Variants in PPFIA1 observed in about 807,000 individuals in gnomAD.
PPFIA1 encodes liprin-alpha-1.
In PPFIA1, 25 loss-of-function variants were observed where a neutral mutation model predicts 149.9. The observed-to-expected ratio is 0.17, with a 90% CI of 0.12 to 0.23. The LOEUF (loss-of-function observed/expected upper bound fraction) is 0.23. Ranked by LOEUF, PPFIA1 falls within the 10% of genes least tolerant of loss-of-function variation. The probability of loss-of-function intolerance (pLI) is 1.00; values close to 1 mark genes in which losing one functional copy is unlikely to be tolerated. For missense variants in PPFIA1, 1,362 were observed against 1,506.5 expected, an observed-to-expected ratio of 0.90 and a Z score of 1.59; for synonymous variants, 549 against 552.8, an observed-to-expected ratio of 0.99 and a Z score of 0.10.
intron 21 of PPFIA1, chr11:70,365,310 C>T: frequency 2.2e-6 from 1 of 450,334 alleles, no homozygotes; most frequent in South Asian, 1.6e-5. Context: ...TGCGTGTGCC[C>T]CTCTCCTCTT....
At chr11:70,381,188 T>A (rs531321856) in intron 26 of PPFIA1, 3 of 152,134 alleles carry the variant, frequency 2.0e-5, no homozygotes, top group Non-Finnish European at 2.9e-5. Flanking sequence ...AGAGGGTTTG[T>A]GAAGATCATC....
intron 15 of PPFIA1, among the ~76,000 whole-genome samples, chr11:70,346,291 A>T (rs2137182141): frequency 6.6e-6 from 1 of 152,094 alleles, no homozygotes; most frequent in South Asian, 2.1e-4. Context: ...GGAGTCCTGC[A>T]GCAGGTCTGG....
At chr11:70,332,132 C>G in intron 9 of PPFIA1, 38 bp downstream of exon 9, 1 of 1,549,832 alleles carries the variant, frequency 6.5e-7, no homozygotes, top group Non-Finnish European at 8.7e-7. Flanking sequence ...GGCTGCCAGG[C>G]CTGTGACTGT....
intron 16 of PPFIA1, among the ~76,000 whole-genome samples, chr11:70,349,676 G>C (rs2055932986): frequency 6.6e-6 from 1 of 152,164 alleles, no homozygotes; most frequent in African/African-American, 2.4e-5. Flanking sequence ...GTGGTAACTA[G>C]TCTATTTTGC....
At chr11:70,378,394 A>G in intron 26 of PPFIA1, 199 bp downstream of exon 26, 1 of 1,292,980 alleles carries the variant, frequency 7.7e-7, no homozygotes, top group Non-Finnish European at 9.8e-7. Context: ...AGAATTTTTA[A>G]AACACGCTTG....
rs113351388 is a variant in PPFIA1 at position 70,296,999 on chromosome 11, C to T, written c.264+24563C>T. Among the ~76,000 whole-genome samples, 1,297 of 152,232 alleles carry T rather than the reference C, an allele frequency of 8.5e-3. 19 individuals are homozygous for T. Among genetic ancestry groups the T allele is most frequent in the African/African-American group, 0.029 (1,219 of 41,546 alleles). ...GAGAGCCTGGTATTTAATAAGCATT[C>T]AATAAATGTTAGTCATTCTTCTGAT... On this transcript the variant is annotated intron_variant, in intron 2 of 27. Coordinates refer to ENST00000253925, the MANE Select transcript of PPFIA1 (RefSeq NM_003626.5).
intron 25 of PPFIA1, 150 bp from the exon 26 acceptor site, chr11:70,377,880 A>G (rs758725518): frequency 1.0e-5 from 7 of 673,820 alleles, no homozygotes; most frequent in African/African-American, 1.8e-5. Flanking sequence ...CAGGTTGGGC[A>G]ATATATTGTG....
intron 2 of PPFIA1, among the ~76,000 whole-genome samples, chr11:70,275,086 A>G (rs529931039): frequency 5.3e-5 from 8 of 152,276 alleles, no homozygotes; most frequent in South Asian, 4.1e-4. Flanking sequence ...AGTTGCTCCT[A>G]TGCTCTTCAG....
chr11:70,355,019 C>A (rs1486570634), intron 17 of PPFIA1, among the ~76,000 whole-genome samples: 1 of 152,066 alleles, frequency 6.6e-6, no homozygotes, highest in African/African-American at 2.4e-5. Context: ...TCACCACAAC[C>A]TTCACCTCCC....
chr11:70,329,248 G>C (rs377407690), intron 7 of PPFIA1, among the ~76,000 whole-genome samples: 1 of 152,112 alleles, frequency 6.6e-6, no homozygotes, highest in Admixed American at 6.6e-5. Flanking sequence ...AAAATATTTA[G>C]ATATTTGAGT....
intron 15 of PPFIA1, among the ~76,000 whole-genome samples, chr11:70,345,136 CCT>C (rs1401320169): frequency 6.7e-6 from 1 of 149,258 alleles, no homozygotes; most frequent in East Asian, 2.0e-4. Context: ...GCCTTCACTT[CCT>C]CTCTATTCTG....
chr11:70,378,246 TTC>T, intron 26 of PPFIA1, 51 bp downstream of exon 26: 1 of 1,582,944 alleles, frequency 6.3e-7, no homozygotes, highest in East Asian at 2.3e-5. Flanking sequence ...ATGAGCAGCT[TTC>T]TGTCTGGAAC....
Position 70,339,237 on chromosome 11 carries a change from C to T in PPFIA1, c.1638C>T (p.Tyr546=), listed in dbSNP as rs557872911. ...FPMADGHTDS[Y]STSAVLRRPQ... is the part of the protein sequence containing the mutation. ...TGGCAGACGGCCACACAGACTCCTA[C>T]AGCACCAGTGCAGTGCTGCGGCGCC... is the stretch of plus-strand genomic sequence containing the variant. Residue 546 remains tyrosine (Y), a synonymous_variant, in exon 14 of 28, where the codon TAC becomes TAT. Transcript: ENST00000253925. 7.4e-6 allele frequency: 12 copies of T among 1,614,090 alleles called. No homozygotes were observed. The highest frequency in any genetic ancestry group is 2.2e-5 in the South Asian group (2 of 91,080).
chr11:70,277,060 A>T (rs35075421), intron 2 of PPFIA1, among the ~76,000 whole-genome samples: 21,023 of 66,824 alleles, frequency 0.31, 4,006 homozygotes, highest in Non-Finnish European at 0.34. Flanking sequence ...ATATATATAT[A>T]TTTTTTTTTT....
intron 16 of PPFIA1, chr11:70,349,786 G>A (rs2137250881): frequency 2.6e-6 from 1 of 380,904 alleles, no homozygotes; most frequent in African/African-American, 2.1e-5. Flanking sequence ...GCTTATTTCT[G>A]TCCAGAGAAT....
chr11:70,326,515 AT>A, intron 6 of PPFIA1, 81 bp from the exon 7 acceptor site: 1 of 1,346,888 alleles, frequency 7.4e-7, no homozygotes, highest in Non-Finnish European at 1.0e-6. Flanking sequence ...GTCAGTTTTG[AT>A]TTTAGCTATT....
chr11:70,332,119 T>G, intron 9 of PPFIA1, 25 bp downstream of exon 9: 1 of 1,565,750 alleles, frequency 6.4e-7, no homozygotes, highest in Non-Finnish European at 8.6e-7. Flanking sequence ...TTCATTCTGG[T>G]TCGGCTGCCA....
intron 19 of PPFIA1, among the ~76,000 whole-genome samples, chr11:70,359,940 G>A (rs2298411): frequency 0.22 from 33,350 of 152,206 alleles, 5,580 homozygotes; most frequent in African/African-American, 0.46. Context: ...CCTTCTTCCC[G>A]TGATTGGAAC....
chr11:70,366,037 T>G (rs1438223755), intron 21 of PPFIA1: 1 of 441,854 alleles, frequency 2.3e-6, no homozygotes, highest in Non-Finnish European at 4.5e-6. Flanking sequence ...GTATGAAAAC[T>G]TGTGTAATCT....
Sources: allele counts gnomAD v4.1 joint callset (sites outside exome capture counted in the v4.1 genomes callset), GRCh38; gene constraint gnomAD v4.1.1; transcripts MANE v1.5; gene names NCBI Gene and HGNC (gene_info 2026-07-23, HGNC 2026-07-21).